The following KIAA0586 variants were observed in gnomAD, a reference collection of about 807,000 sequenced individuals.
The protein encoded by KIAA0586 is protein TALPID3.
KIAA0586 carries 144 observed loss-of-function variants against 169.8 expected under a neutral mutation model. The ratio of observed to expected loss-of-function variants is 0.85; its 90% CI spans 0.74 to 0.97. The LOEUF (loss-of-function observed/expected upper bound fraction) is 0.97, where lower values mean the gene tolerates loss of function less well. Ranked by LOEUF, KIAA0586 falls within the 50% of genes least tolerant of loss-of-function variation. The pLI is 0.00. For missense variants in KIAA0586, 1,854 were observed against 1,823.0 expected, an observed-to-expected ratio of 1.02 and a Z score of -0.31; for synonymous variants, 625 against 612.4, an observed-to-expected ratio of 1.02 and a Z score of -0.30.
intron 7 of KIAA0586, among the ~76,000 whole-genome samples, chr14:58,449,828 AT>A (rs2039205537): frequency 2.0e-5 from 3 of 152,176 alleles, no homozygotes; most frequent in African/African-American, 7.2e-5. Context: ...TATTTTGTTG[AT>A]TGTAAATTGA....
intron 19 of KIAA0586, among the ~76,000 whole-genome samples, chr14:58,475,580 T>C (rs2041554858): frequency 1.3e-5 from 2 of 152,192 alleles, no homozygotes; most frequent in African/African-American, 4.8e-5. Flanking sequence ...ACAATAACAA[T>C]TGTAACTTGT....
chr14:58,463,450 A>G (rs1595208106), intron 14 of KIAA0586, among the ~76,000 whole-genome samples: 1 of 152,246 alleles, frequency 6.6e-6, no homozygotes, highest in Non-Finnish European at 1.5e-5. Flanking sequence ...TATTCATTCA[A>G]TAGAATGACT....
chr14:58,428,222 T>C lies in KIAA0586; in HGVS notation c.-43T>C. 1 of 1,583,622 alleles carries C rather than the reference T, an allele frequency of 6.3e-7. No homozygotes were observed. Among genetic ancestry groups the C allele is most frequent in the Non-Finnish European group, 8.6e-7 (1 of 1,166,770 alleles). On this transcript the variant is annotated 5_prime_UTR_variant, in exon 1 of 31. Coordinates refer to ENST00000652326, the MANE Select transcript of KIAA0586 (RefSeq NM_001329943.3). ...TGAAGTCTTAAGGAAACAGAGAAAG[T>C]TTTTCCGTCCTTAAGTGTGGGACTT... is the stretch of plus-strand genomic sequence containing the variant.
rs1555391495 is a variant in KIAA0586, at chr14:58,484,898, A to ATATTTT, written c.3145-2106_3145-2105insTTTTAT. ...ATATATTATATATATATTTATATAT[A>ATATTTT]TATATATATATATATATATATATAT... is the stretch of plus-strand genomic sequence containing the variant. On this transcript the variant is annotated intron_variant, in intron 21 of 30. Coordinates refer to ENST00000652326, the MANE Select transcript of KIAA0586 (RefSeq NM_001329943.3). 1.4e-3 allele frequency among the ~76,000 whole-genome samples: 7 copies of ATATTTT among 4,890 alleles called. 1 individual carries two copies. In the East Asian group the frequency reaches 0.058, roughly 40 times the overall value. 3.2% of individuals were successfully genotyped at this position (4,890 alleles called of 152,430 possible). A position where few individuals can be genotyped will look rare whatever the true frequency, so the allele number is the denominator to read the frequency against.
chr14:58,460,757 A>G (rs2040256295), intron 13 of KIAA0586, among the ~76,000 whole-genome samples: 1 of 152,194 alleles, frequency 6.6e-6, no homozygotes, highest in African/African-American at 2.4e-5. Flanking sequence ...TATACTTAGT[A>G]ATGTAAAAAT....
intron 21 of KIAA0586, among the ~76,000 whole-genome samples, chr14:58,484,901 T>TA (rs1566876891): frequency 4.0e-4 from 2 of 4,950 alleles, no homozygotes; most frequent in African/African-American, 1.2e-3. Flanking sequence ...TATATATATA[T>TA]ATATATATAT....
intron 29 of KIAA0586, among the ~76,000 whole-genome samples, chr14:58,526,247 C>G (rs1235226523): frequency 6.6e-6 from 1 of 152,182 alleles, no homozygotes; most frequent in Non-Finnish European, 1.5e-5. Flanking sequence ...TCGCTGACCC[C>G]CATGCCTCCT....
chr14:58,532,943 AATTG>A (rs878970254), intron 29 of KIAA0586, among the ~76,000 whole-genome samples: 1 of 152,170 alleles, frequency 6.6e-6, no homozygotes, highest in Admixed American at 6.5e-5. Flanking sequence ...CTTAAAATCT[AATTG>A]TTAGTCTTTG....
chr14:58,508,574 A>T lies in KIAA0586; in HGVS notation c.4188A>T (p.Ser1396=). The T allele has an allele frequency of 1.3e-6, 2 of 1,591,872 alleles. No homozygotes were observed. The highest frequency in any genetic ancestry group is 1.7e-6 in the Non-Finnish European group (2 of 1,168,298). ...TAACAGGTAGTATTTATGAAGATTC[A>T]TGTGCTAGTCATGGTCCAATGAGTT... ...DTVSGSIYED[S]CASHGPMSLG... is the part of the protein sequence containing the mutation. The change falls in exon 28 of 31, where the codon TCA becomes TCT. Residue 1396 remains serine (S), a synonymous_variant. Coordinates refer to ENST00000652326, the MANE Select transcript of KIAA0586 (RefSeq NM_001329943.3).
intron 29 of KIAA0586, chr14:58,521,278 T>C: frequency 8.8e-7 from 1 of 1,140,720 alleles, no homozygotes; most frequent in Non-Finnish European, 1.3e-6. Flanking sequence ...TCCCGTGTGT[T>C]CATTGGGAAT....
chr14:58,493,826 GAGAA>G (rs1250817182), intron 26 of KIAA0586, among the ~76,000 whole-genome samples: 1 of 152,082 alleles, frequency 6.6e-6, no homozygotes, highest in East Asian at 1.9e-4. Flanking sequence ...AGCTGAGAGA[GAGAA>G]AGGAGGGAGA....
intron 29 of KIAA0586, among the ~76,000 whole-genome samples, chr14:58,539,243 C>T (rs956589277): frequency 2.3e-4 from 35 of 152,086 alleles, no homozygotes; most frequent in Non-Finnish European, 1.0e-4. Context: ...TGTACATGTA[C>T]TACCTGAAAT....
At chr14:58,447,572 C>T (rs1227995199) in intron 6 of KIAA0586, among the ~76,000 whole-genome samples, 2 of 151,790 alleles carry the variant, frequency 1.3e-5, no homozygotes, top group Non-Finnish European at 2.9e-5. Context: ...CCTCCGTGTC[C>T]CGGGTTCAAG....
intron 29 of KIAA0586, among the ~76,000 whole-genome samples, chr14:58,524,952 G>A (rs2045476034): frequency 6.6e-6 from 1 of 152,052 alleles, no homozygotes; most frequent in African/African-American, 2.4e-5. Flanking sequence ...TCATCTGCCT[G>A]CCTTGGCCTC....
At position 58,487,991 on chromosome 14, in the gene KIAA0586, T is replaced by C; in HGVS notation, c.3409T>C (p.Ser1137Pro). The part of the protein sequence containing the change: ...AVFTPTLSDI[S>P]IDKLKVSSPE... ...TTTTACCCCAACTTTGTCAGATATT[T>C]CCATTGATAAATTGAAGGTATCAAG... is the stretch of plus-strand genomic sequence containing the variant. Residue 1137 changes from serine (S) to proline (P), a missense_variant, in exon 23 of 31, where the codon TCC becomes CCC. Ser to Pro is a moderately conservative substitution (Grantham distance 74). Coordinates refer to ENST00000652326, the MANE Select transcript of KIAA0586 (RefSeq NM_001329943.3). 1 of 1,613,206 alleles carries C rather than the reference T, an allele frequency of 6.2e-7. No individual in the cohort carries two copies. The highest frequency in any genetic ancestry group is 8.5e-7 in the Non-Finnish European group (1 of 1,179,612).
In KIAA0586 at chr14:58,428,276, T is replaced by G; in HGVS notation, c.12T>G (p.Ser4=). 6.2e-7 allele frequency: 1 copy of G among 1,613,598 alleles called. No individual in the cohort carries two copies. The highest frequency in any genetic ancestry group is 8.5e-7 in the Non-Finnish European group (1 of 1,179,708). The change falls in exon 1 of 31, where the codon TCT becomes TCG. Residue 4 remains serine, a synonymous_variant. Transcript: ENST00000652326. ...TTGTGACCAACAATATGAAAGGCTC[T>G]GAGGTCAGCTTGGAGAAGAAAAAAA... MKG[S]EVSLEKKKKI...
chr14:58,529,415 T>G (rs2139988433), intron 29 of KIAA0586, among the ~76,000 whole-genome samples: 1 of 152,246 alleles, frequency 6.6e-6, no homozygotes, highest in Admixed American at 6.5e-5. Flanking sequence ...AAAGAAAATT[T>G]CAGGCCAGTA....
At chr14:58,559,967 A>G in the KIAA0586 span, among the ~76,000 whole-genome samples, 2 of 152,128 alleles carry the variant, frequency 1.3e-5, no homozygotes, top group Non-Finnish European at 2.9e-5. Flanking sequence ...CCTGACTAAC[A>G]TGGTGAAACC....
intron 20 of KIAA0586, among the ~76,000 whole-genome samples, chr14:58,478,891 A>G (rs190075193): frequency 3.3e-5 from 5 of 152,330 alleles, no homozygotes; most frequent in Admixed American, 1.3e-4. Context: ...TTTGACAATC[A>G]TGCTATTGCA....
Sources: allele counts gnomAD v4.1 joint callset (sites outside exome capture counted in the v4.1 genomes callset), GRCh38; gene constraint gnomAD v4.1.1; transcripts MANE v1.5; gene names NCBI Gene and HGNC (gene_info 2026-07-23, HGNC 2026-07-21).